GRIK2: variants seen among roughly 807,000 people sequenced by gnomAD.
GRIK2 encodes the protein glutamate receptor ionotropic, kainate 2.
Under a neutral mutation model 100.3 loss-of-function variants are expected in GRIK2, and 32 were observed. That is an observed-to-expected ratio of 0.32 (90% confidence interval 0.24 to 0.43). The LOEUF (loss-of-function observed/expected upper bound fraction) is 0.43. GRIK2 is among the 20% of genes least tolerant of loss of function. The pLI is 1.00. For synonymous variants in GRIK2, 417 were observed against 389.4 expected, an observed-to-expected ratio of 1.07 and a Z score of -0.83; for missense variants, 843 against 1,114.9, an observed-to-expected ratio of 0.76 and a Z score of 3.47.
chr6:101,632,097 C>T (rs892108136), intron 4 of GRIK2, among the ~76,000 whole-genome samples: 9 of 152,112 alleles, frequency 5.9e-5, no homozygotes, highest in East Asian at 1.9e-4. Context: ...GAAGTGCACA[C>T]GTACATGTGC....
chr6:101,644,615 A>G (rs73761380), intron 4 of GRIK2, among the ~76,000 whole-genome samples: 2,189 of 151,940 alleles, frequency 0.014, 58 homozygotes, highest in African/African-American at 0.05. Context: ...AACAGTCTTG[A>G]TTTAGGCCTC....
At chr6:101,789,375 T>G (rs1779666634) in intron 7 of GRIK2, among the ~76,000 whole-genome samples, 1 of 152,218 alleles carries the variant, frequency 6.6e-6, no homozygotes, top group Non-Finnish European at 1.5e-5. Flanking sequence ...CTTGAATTAA[T>G]TTTTGTATAA....
chr6:102,006,075 C>T (rs1208837623), intron 14 of GRIK2, among the ~76,000 whole-genome samples: 1 of 151,918 alleles, frequency 6.6e-6, no homozygotes, highest in Non-Finnish European at 1.5e-5. Context: ...CAAATACAAG[C>T]ACATTCTCAG....
chr6:101,810,639 G>T (rs1461079588), intron 9 of GRIK2, among the ~76,000 whole-genome samples: 6 of 152,122 alleles, frequency 3.9e-5, no homozygotes, highest in African/African-American at 1.4e-4. Flanking sequence ...GTTTTCTAGA[G>T]CTCAGGTGCC....
intron 7 of GRIK2, among the ~76,000 whole-genome samples, chr6:101,779,819 T>C (rs776794829): frequency 6.6e-5 from 10 of 152,122 alleles, no homozygotes; most frequent in Non-Finnish European, 1.3e-4. Context: ...ATAATGTATA[T>C]AATCCATATG....
At chr6:101,546,228 T>C (rs1158341304) in intron 2 of GRIK2, among the ~76,000 whole-genome samples, 2 of 152,260 alleles carry the variant, frequency 1.3e-5, no homozygotes, top group East Asian at 3.9e-4. Context: ...ATTATTAAAG[T>C]GAGAATATAA....
At chr6:101,987,064 G>A (rs1223395177) in intron 14 of GRIK2, among the ~76,000 whole-genome samples, 1 of 151,746 alleles carries the variant, frequency 6.6e-6, no homozygotes, top group African/African-American at 2.4e-5. Context: ...GATTGCTTGG[G>A]CCCAGGAGTT....
intron 2 of GRIK2, among the ~76,000 whole-genome samples, chr6:101,605,093 C>A (rs892531648): frequency 6.6e-6 from 1 of 151,946 alleles, no homozygotes; most frequent in African/African-American, 2.4e-5. Flanking sequence ...TTCCTTAAAT[C>A]TATTTATATT....
At chr6:101,761,690 G>A (rs755384524) in intron 7 of GRIK2, among the ~76,000 whole-genome samples, 1 of 151,982 alleles carries the variant, frequency 6.6e-6, no homozygotes, top group Non-Finnish European at 1.5e-5. Context: ...TTCTGGTCAC[G>A]ATTTTTCAAG....
intron 14 of GRIK2, among the ~76,000 whole-genome samples, chr6:101,995,254 C>T (rs1026402180): frequency 3.3e-5 from 5 of 151,790 alleles, no homozygotes; most frequent in Admixed American, 2.6e-4. Flanking sequence ...AATCAGAATG[C>T]AGGTCTGACT....
At chr6:101,517,348 T>C (rs1321068403) in intron 2 of GRIK2, among the ~76,000 whole-genome samples, 2 of 152,054 alleles carry the variant, frequency 1.3e-5, no homozygotes, top group Non-Finnish European at 2.9e-5. Flanking sequence ...GGAGGTTAAG[T>C]GTTAAGCGAA....
intron 4 of GRIK2, among the ~76,000 whole-genome samples, chr6:101,662,662 A>G (rs1769714277): frequency 6.6e-6 from 1 of 151,798 alleles, no homozygotes; most frequent in Non-Finnish European, 1.5e-5. Flanking sequence ...TCTATATGCT[A>G]TTTTCTATTT....
intron 2 of GRIK2, among the ~76,000 whole-genome samples, chr6:101,514,817 T>C (rs1344684945): frequency 6.6e-6 from 1 of 152,174 alleles, no homozygotes; most frequent in Non-Finnish European, 1.5e-5. Flanking sequence ...CATAGAAATA[T>C]TGAAATTCTA....
At chr6:101,785,711 T>A (rs1779380171) in intron 7 of GRIK2, among the ~76,000 whole-genome samples, 1 of 152,118 alleles carries the variant, frequency 6.6e-6, no homozygotes, top group Non-Finnish European at 1.5e-5. Context: ...GCTGTTTTAG[T>A]TATTATAGCC....
At chr6:101,531,061 A>C (rs917713007) in intron 2 of GRIK2, among the ~76,000 whole-genome samples, 10 of 152,106 alleles carry the variant, frequency 6.6e-5, no homozygotes, top group Middle Eastern at 6.8e-3. Flanking sequence ...AACAAAACTG[A>C]GGTTAAGCAA....
In GRIK2 at chr6:101,954,930, A is replaced by G. The variant is rs149907878; in HGVS notation, c.2085+26298A>G. Among the ~76,000 whole-genome samples the G allele has an allele frequency of 3.0e-4, 45 of 152,228 alleles. 1 individual carries two copies. In the East Asian group the frequency reaches 7.9e-3, roughly 27 times the overall value. The stretch of plus-strand genomic sequence containing the variant: ...TCACTCCAGAGGTACTGAATTTGTC[A>G]ATGCTTTTCCTGAGTTTACTGAGAT... On this transcript the variant is annotated intron_variant, in intron 14 of 16. Transcript: ENST00000369134.
At chr6:101,886,914 C>T (rs1424750086) in intron 11 of GRIK2, among the ~76,000 whole-genome samples, 1 of 150,250 alleles carries the variant, frequency 6.7e-6, no homozygotes, top group Admixed American at 6.6e-5. Context: ...CAACCTCCAC[C>T]TCCTGGGTTC....
intron 2 of GRIK2, among the ~76,000 whole-genome samples, chr6:101,581,915 C>T (rs934533329): frequency 6.6e-6 from 1 of 152,054 alleles, no homozygotes; most frequent in African/African-American, 2.4e-5. Flanking sequence ...GGTTCTGCCT[C>T]ACAACCCAAA....
rs76072496 is a variant in GRIK2 at position 101,676,753 on chromosome 6, T to C, written c.672T>C (p.Phe224=). ...LLKEMKRGKE[F]HVIFDCSHEM... ...AAGAAATGAAAAGAGGCAAGGAGTT[T>C]CATGTAATCTTTGATTGTAGCCATG... The change falls in exon 5 of 17, where the codon TTT becomes TTC. Residue 224 remains phenylalanine, a synonymous_variant. Coordinates refer to ENST00000369134, the MANE Select transcript of GRIK2 (RefSeq NM_021956.5). The C allele has an allele frequency of 1.1e-3, 1,766 of 1,608,920 alleles. 16 individuals are homozygous for C. In the African/African-American group the frequency reaches 0.021, roughly 19 times the overall value.
Sources: gnomAD v4.1 joint callset for allele counts (sites outside exome capture counted in the v4.1 genomes callset) on GRCh38, gnomAD v4.1.1 for gene constraint, MANE v1.5 for transcripts, NCBI Gene and HGNC (gene_info 2026-07-23, HGNC 2026-07-21) for gene names.